The following MYO1E variants were observed in gnomAD, a reference collection of about 807,000 sequenced individuals.
MYO1E encodes the protein unconventional myosin-Ie.
In MYO1E, 68 loss-of-function variants were observed where a neutral mutation model predicts 151.1. That is an observed-to-expected ratio of 0.45 (90% CI 0.37 to 0.55). The LOEUF is 0.55. Among genes scored for constraint, MYO1E ranks in the 20% least tolerant of loss-of-function variants. The probability of loss-of-function intolerance (pLI) is 0.00; values close to 1 mark genes in which losing one functional copy is unlikely to be tolerated. For synonymous variants in MYO1E, 601 were observed against 501.7 expected (o/e 1.20, Z -2.64); for missense variants, 1,363 against 1,389.3 (o/e 0.98, Z 0.30).
intron 1 of MYO1E, among the ~76,000 whole-genome samples, chr15:59,290,496 G>T (rs916978594): frequency 1.3e-5 from 2 of 152,286 alleles, no homozygotes; most frequent in South Asian, 4.1e-4. Context: ...ACATCTTTGG[G>T]CCTCTGCCTT....
At chr15:59,302,329 A>G (rs1222428893) in intron 1 of MYO1E, among the ~76,000 whole-genome samples, 6 of 152,234 alleles carry the variant, frequency 3.9e-5, no homozygotes, top group Non-Finnish European at 7.3e-5. Context: ...AGACATTAAC[A>G]TGCCATCTTG....
At chr15:59,284,030 G>T (rs1166306733) in intron 1 of MYO1E, among the ~76,000 whole-genome samples, 3 of 152,190 alleles carry the variant, frequency 2.0e-5, no homozygotes, top group Admixed American at 1.3e-4. Context: ...GGAGCTCACG[G>T]AGCAGCCTGG....
intron 15 of MYO1E, among the ~76,000 whole-genome samples, chr15:59,204,929 C>T (rs1159811341): frequency 6.6e-6 from 1 of 152,124 alleles, no homozygotes; most frequent in Non-Finnish European, 1.5e-5. Context: ...CTTATTTCTC[C>T]CTGATAATAG....
At chr15:59,143,154 C>A (rs1269803762) in intron 26 of MYO1E, among the ~76,000 whole-genome samples, 1 of 152,158 alleles carries the variant, frequency 6.6e-6, no homozygotes, top group African/African-American at 2.4e-5. Flanking sequence ...TCCGAAATTA[C>A]CCGGGGAATT....
intron 1 of MYO1E, among the ~76,000 whole-genome samples, chr15:59,308,130 T>A (rs1218746370): frequency 2.2e-5 from 3 of 136,322 alleles, no homozygotes; most frequent in African/African-American, 8.3e-5. Context: ...GGCTGAGGCA[T>A]GAGAATCACC....
At chr15:59,310,208 C>T (rs1260589473) in intron 1 of MYO1E, among the ~76,000 whole-genome samples, 2 of 152,232 alleles carry the variant, frequency 1.3e-5, no homozygotes, top group South Asian at 2.1e-4. Context: ...AGTTGACCAG[C>T]TTGAGTGTGG....
intron 1 of MYO1E, among the ~76,000 whole-genome samples, chr15:59,354,295 G>A (rs370546451): frequency 1.3e-5 from 2 of 152,180 alleles, no homozygotes; most frequent in African/African-American, 4.8e-5. Context: ...TGGATGGCAC[G>A]TTGGCTTAAG....
At chr15:59,215,025 T>A (rs1404172614) in intron 10 of MYO1E, among the ~76,000 whole-genome samples, 1 of 152,166 alleles carries the variant, frequency 6.6e-6, no homozygotes, top group East Asian at 1.9e-4. Flanking sequence ...TAGAAAAAAA[T>A]GTCATCTTGG....
chr15:59,213,407 G>A (rs954324214), intron 12 of MYO1E, among the ~76,000 whole-genome samples: 1 of 152,006 alleles, frequency 6.6e-6, no homozygotes, highest in Non-Finnish European at 1.5e-5. Context: ...CTGACCTCAA[G>A]TGATCTGCCC....
chr15:59,220,087 C>T (rs2079944674), intron 9 of MYO1E, among the ~76,000 whole-genome samples: 1 of 152,192 alleles, frequency 6.6e-6, no homozygotes, highest in Non-Finnish European at 1.5e-5. Context: ...TGTTTAGCTT[C>T]ACAGCAACGT....
intron 7 of MYO1E, among the ~76,000 whole-genome samples, chr15:59,227,091 T>C (rs1487468691): frequency 6.6e-6 from 1 of 152,218 alleles, no homozygotes; most frequent in African/African-American, 2.4e-5. Context: ...AGGTCACCTG[T>C]CTTCCCTCAT....
rs2080815533 is a variant in MYO1E, at chr15:59,350,044, G to T, written c.3+22454C>A. On this transcript the variant is annotated intron_variant, in intron 1 of 27. Transcript: ENST00000288235. This position sits in a 1 kb window ranked among gnomAD's most constrained non-coding sequence, Gnocchi z 5.0. ...CAACCAGGTTGTGGTGCGTTACATA[G>T]TCCCAATGGTGGTATCTAAGGCATT... Among the ~76,000 whole-genome samples, 1 of 152,216 alleles carries T rather than the reference G, an allele frequency of 6.6e-6. No homozygotes were observed. The highest frequency in any genetic ancestry group is 1.5e-5 in the Non-Finnish European group (1 of 68,036).
intron 18 of MYO1E, among the ~76,000 whole-genome samples, 180 bp from the exon 19 acceptor site, chr15:59,178,717 C>T (rs1447952079): frequency 1.3e-5 from 2 of 152,236 alleles, no homozygotes; most frequent in Admixed American, 1.3e-4. Context: ...AATCCCGAGT[C>T]TGGGATGCTC....
Position 59,224,767 on chromosome 15 carries a change from G to C in MYO1E, c.699C>G (p.Asp233Glu), listed in dbSNP as rs779570949. The change falls in exon 8 of 28, where the codon GAC (aspartate) becomes GAG (glutamate). Residue 233 changes from aspartate (D) to glutamate (E), a missense_variant. By Grantham distance (45) the Asp-to-Glu change is conservative. Transcript: ENST00000288235. Reference protein sequence around the residue: ...QKHSLGITSMDYYYYLSLSGS... With the variant: ...QKHSLGITSMEYYYYLSLSGS... ...CCGAGAGGCTCAGGTAGTAATAATA[G>C]TCCATGCTGGTGATGCCAAGGCTGT... The C allele has an allele frequency of 1.2e-6, 2 of 1,614,086 alleles. No individual in the cohort carries two copies. The highest frequency in any genetic ancestry group is 1.3e-5 in the African/African-American group (1 of 74,946).
At chr15:59,161,882 A>T (rs2079539975) in intron 23 of MYO1E, among the ~76,000 whole-genome samples, 1 of 151,246 alleles carries the variant, frequency 6.6e-6, no homozygotes, top group African/African-American at 2.4e-5. Flanking sequence ...TTCTGATATC[A>T]TAAGAAGGAA....
At chr15:59,259,608 A>G (rs74358821) in intron 3 of MYO1E, among the ~76,000 whole-genome samples, 2,092 of 152,334 alleles carry the variant, frequency 0.014, 20 homozygotes, top group East Asian at 0.047. Flanking sequence ...ACTGTAAGAA[A>G]GACACGAAGA....
chr15:59,143,550 G>C (rs1425495257), intron 26 of MYO1E, among the ~76,000 whole-genome samples: 3 of 152,136 alleles, frequency 2.0e-5, no homozygotes, highest in Non-Finnish European at 4.4e-5. Context: ...CTTCTTGTGA[G>C]GGCTAGCAGA....
chr15:59,160,710 C>A (rs188363700), intron 24 of MYO1E, among the ~76,000 whole-genome samples: 4 of 152,092 alleles, frequency 2.6e-5, no homozygotes, highest in African/African-American at 7.2e-5. Flanking sequence ...TGAGCCACCA[C>A]GCCGGGCCCA....
Position 59,195,551 on chromosome 15 carries a change from A to T in MYO1E, c.1715T>A (p.Leu572His). Residue 572 changes from leucine (L) to histidine (H), a missense_variant, in exon 17 of 28, where the codon CTT (leucine) becomes CAT (histidine). Physicochemically the swap from Leu to His is moderately conservative, Grantham distance 99. Transcript: ENST00000288235. Reference protein sequence around the residue: ...GSKIKKQANDLVSTLMKCTPH... With the variant: ...GSKIKKQANDHVSTLMKCTPH... Reference sequence around the variant, plus strand: ...CGTACATTTCATCAGGGTGCTCACAAGGTCATTGGCTTGTTTCTAGAAAGG... The same window carrying T: ...CGTACATTTCATCAGGGTGCTCACATGGTCATTGGCTTGTTTCTAGAAAGG... 6.2e-7 allele frequency: 1 copy of T among 1,613,980 alleles called. No homozygotes were observed. Among genetic ancestry groups the T allele is most frequent in the Non-Finnish European group, 8.5e-7 (1 of 1,179,806 alleles).
Sources: allele counts gnomAD v4.1 joint callset (sites outside exome capture counted in the v4.1 genomes callset), GRCh38; gene constraint gnomAD v4.1.1; non-coding constraint Gnocchi (gnomAD v3.1); transcripts MANE v1.5; gene names NCBI Gene and HGNC (gene_info 2026-07-23, HGNC 2026-07-21).